MCF2L: variants seen among roughly 807,000 people sequenced by gnomAD.
MCF2L encodes MCF.2 cell line derived transforming sequence like.
Under a neutral mutation model 153.4 loss-of-function variants are expected in MCF2L, and 97 were observed. The ratio of observed to expected loss-of-function variants is 0.63; its 90% CI spans 0.54 to 0.75. MCF2L has a LOEUF of 0.75. MCF2L is among the 30% of genes least tolerant of loss of function. MCF2L has a pLI of 0.00. For missense variants in MCF2L, 1,347 were observed against 1,495.2 expected (o/e 0.90, Z 1.64); for synonymous variants, 659 against 632.2 (o/e 1.04, Z -0.64).
rs1236547475 is a variant in MCF2L at position 113,098,007 on chromosome 13, CATATT to C, written c.*1149_*1153del. On this transcript the variant is annotated 3_prime_UTR_variant, in exon 30 of 30. Transcript: ENST00000535094. ...TTACCAACTTCTTGTGTTTCAGAAA[CATATT>C]CTGTTCAAAACTTTTGAAGCCCTTT... is the stretch of plus-strand genomic sequence containing the variant. The C allele has an allele frequency of 6.6e-6, 1 of 152,270 alleles. No homozygotes were observed. The highest frequency in any genetic ancestry group is 1.5e-5 in the Non-Finnish European group (1 of 68,038). The allele number at this position is 152,270 out of a possible 1,614,324, so 9.4% of individuals were successfully genotyped here.
At chr13:113,083,882 G>C in intron 17 of MCF2L, 116 bp from the exon 18 acceptor site, 1 of 788,264 alleles carries the variant, frequency 1.3e-6, no homozygotes, top group South Asian at 1.5e-5. Flanking sequence ...GTCATGCGGG[G>C]CAGATTGCCC....
intron 13 of MCF2L, 127 bp from the exon 14 acceptor site, chr13:113,078,235 CA>C (rs2033712660): frequency 1.4e-6 from 1 of 739,848 alleles, no homozygotes; most frequent in African/African-American, 1.7e-5. Flanking sequence ...AAGTCCTGCC[CA>C]CGCCACCACC....
rs749848889 is a variant in MCF2L, at chr13:113,094,600, G to T, written c.3040G>T (p.Ala1014Ser). 2 of 1,612,298 alleles carry T rather than the reference G, an allele frequency of 1.2e-6. No homozygotes were observed. The highest frequency in any genetic ancestry group is 1.1e-5 in the South Asian group (1 of 90,990). ...SAEEQINSSD[A>S]EEDGGLGPKK... is the part of the protein sequence containing the mutation. Reference sequence around the variant, plus strand: ...AGAGGAGCAGATTAACTCGTCCGACGCAGAGGAGGACGGCGGGTTGGGCCC... The same window carrying T: ...AGAGGAGCAGATTAACTCGTCCGACTCAGAGGAGGACGGCGGGTTGGGCCC... The change falls in exon 27 of 30, where the codon GCA becomes TCA. Residue 1014 changes from alanine to serine, a missense_variant. This residue lies in a region of MCF2L where 383 missense variants were observed against 335.4 expected (regional missense o/e 1.14). Coordinates refer to ENST00000535094, the MANE Select transcript of MCF2L (RefSeq NM_001112732.3).
chr13:113,093,098 C>T (rs1041422641), intron 26 of MCF2L, among the ~76,000 whole-genome samples: 10 of 152,216 alleles, frequency 6.6e-5, no homozygotes, highest in East Asian at 1.9e-4. Context: ...TGCCTCAGAG[C>T]GACTGGGGGC....
chr13:112,985,841 G>C (rs2082615716), intron 1 of MCF2L, among the ~76,000 whole-genome samples: 1 of 152,182 alleles, frequency 6.6e-6, no homozygotes, highest in Non-Finnish European at 1.5e-5. Flanking sequence ...GCAGGTGCAG[G>C]ACAGAGACAA....
chr13:113,095,088 T>G (rs2035538830), intron 27 of MCF2L: 1 of 1,360,048 alleles, frequency 7.4e-7, no homozygotes, highest in Non-Finnish European at 9.8e-7. Flanking sequence ...TAACTATACA[T>G]ACAATTCTCA....
chr13:113,018,516 G>A (rs1400218318), intron 2 of MCF2L, among the ~76,000 whole-genome samples: 4 of 152,190 alleles, frequency 2.6e-5, no homozygotes, highest in African/African-American at 9.7e-5. Context: ...TCTTACTGAA[G>A]GCTGAGGGTT....
chr13:112,914,842 T>G lies in MCF2L; in HGVS notation c.169+12471T>G, dbSNP rs2081274165. On this transcript the variant is annotated intron_variant, in intron 2 of 29. Transcript: ENST00000375608. ...CTGTAGTGATGTGAGTTGAAAGTAT[T>G]TTTTCAAATCGTCATTGTCTTGACT... is the stretch of plus-strand genomic sequence containing the variant. 2.6e-5 allele frequency among the ~76,000 whole-genome samples: 4 copies of G among 152,324 alleles called. No individual in the cohort carries two copies. In the South Asian group the frequency reaches 8.3e-4, roughly 32 times the overall value.
In MCF2L at chr13:112,930,675, G is replaced by A. The variant is rs578099998; in HGVS notation, c.169+28304G>A. Among the ~76,000 whole-genome samples, 38 of 152,340 alleles carry A rather than the reference G, an allele frequency of 2.5e-4. 1 individual carries two copies. Among genetic ancestry groups the A allele is most frequent in the African/African-American group, 7.0e-4 (29 of 41,574 alleles). On this transcript the variant is annotated intron_variant, in intron 2 of 29. Coordinates refer to the MCF2L transcript ENST00000375608. ...CAAATTTAAAAATTATTTAGGACAT[G>A]CCTATAATCCCAGCACTGTGGGAGG...
chr13:112,987,848 C>T (rs1414985208), intron 1 of MCF2L, among the ~76,000 whole-genome samples: 2 of 152,242 alleles, frequency 1.3e-5, no homozygotes, highest in South Asian at 2.1e-4. Context: ...TCCCCCTCGT[C>T]ACAGCGGACC....
Position 113,087,217 on chromosome 13 carries a change from C to T in MCF2L, c.2374-18C>T, listed in dbSNP as rs2034719686. 1 of 1,606,284 alleles carries T rather than the reference C, an allele frequency of 6.2e-7. No individual in the cohort carries two copies. Among genetic ancestry groups the T allele is most frequent in the African/African-American group, 1.3e-5 (1 of 74,800 alleles). On this transcript the variant is annotated intron_variant, in intron 21 of 29. Transcript: ENST00000535094. ...GGCCCATCCCGTCCTGAACACAGCCCTGCTGTCGCACATTTAGGGGAATCT... is the reference window on the plus strand; with the variant it reads ...GGCCCATCCCGTCCTGAACACAGCCTTGCTGTCGCACATTTAGGGGAATCT...
chr13:112,994,977 C>A (rs910603080), intron 1 of MCF2L, among the ~76,000 whole-genome samples: 1 of 152,250 alleles, frequency 6.6e-6, no homozygotes, highest in Non-Finnish European at 1.5e-5. Flanking sequence ...GGAGACTTCC[C>A]CAGGTTTGGC....
intron 2 of MCF2L, among the ~76,000 whole-genome samples, chr13:113,023,343 C>T (rs1225693285): frequency 2.0e-5 from 3 of 152,226 alleles, no homozygotes; most frequent in Non-Finnish European, 4.4e-5. Context: ...GGCCACGGAG[C>T]CCTGTACTGA....
At chr13:112,940,218 T>G (rs1313892644) in intron 2 of MCF2L, among the ~76,000 whole-genome samples, 2 of 152,254 alleles carry the variant, frequency 1.3e-5, no homozygotes, top group Non-Finnish European at 2.9e-5. Flanking sequence ...ATCTTGATAC[T>G]TTTTCATGTA....
rs929157257 is a variant in MCF2L, at chr13:112,941,288, C to A, written c.169+38917C>A. 7.3e-5 allele frequency among the ~76,000 whole-genome samples: 11 copies of A among 150,492 alleles called. No homozygotes were observed. In the East Asian group the frequency reaches 2.1e-3, roughly 29 times the overall value. On this transcript the variant is annotated intron_variant, in intron 2 of 29. Transcript: ENST00000375608. The surrounding 1 kb of genome is among the most constrained non-coding windows in gnomAD (Gnocchi z 4.9). ...GGTCTGTGTGGTGTGTGTGGTGGCA[C>A]TCTGGAAGCCCATAAGCCATATATA...
chr13:112,969,455 A>T lies in MCF2L; in HGVS notation c.76A>T (p.Thr26Ser). 1 of 1,550,306 alleles carries T rather than the reference A, an allele frequency of 6.5e-7. No homozygotes were observed. The highest frequency in any genetic ancestry group is 1.2e-5 in the South Asian group (1 of 84,058). Residue 26 changes from threonine (T) to serine (S), a missense_variant, in exon 1 of 30, where the codon ACG becomes TCG. Coordinates refer to ENST00000535094, the MANE Select transcript of MCF2L (RefSeq NM_001112732.3). This position sits in a 1 kb window ranked among gnomAD's most constrained non-coding sequence, Gnocchi z 4.8. ...VQRLNAVSKH[T>S]DEIMHQDIVP... ...GAGATTAAATGCGGTTTCCAAGCAC[A>T]CGGGTAGGAGGAGCTGCTGGCCGTC...
chr13:113,033,683 C>T (rs895697387), intron 3 of MCF2L, among the ~76,000 whole-genome samples: 2 of 152,120 alleles, frequency 1.3e-5, no homozygotes, highest in Admixed American at 6.5e-5. Flanking sequence ...CCCTTGTCTG[C>T]CATCTCTGGC....
At chr13:112,981,986 G>A (rs1046908601) in intron 1 of MCF2L, among the ~76,000 whole-genome samples, 7 of 152,200 alleles carry the variant, frequency 4.6e-5, no homozygotes, top group African/African-American at 1.2e-4. Flanking sequence ...GGCAGGCCCC[G>A]GTCAGGGCTG....
intron 21 of MCF2L, 111 bp from the exon 22 acceptor site, chr13:113,087,124 G>C: frequency 1.1e-6 from 1 of 910,752 alleles, no homozygotes; most frequent in Non-Finnish European, 1.6e-6. Context: ...CCCTGCAGCT[G>C]GAATCCCACC....
Sources: gnomAD v4.1 joint callset for allele counts (sites outside exome capture counted in the v4.1 genomes callset) on GRCh38, gnomAD v4.1.1 for gene constraint, gnomAD v4.1.1 regional missense constraint, Gnocchi (gnomAD v3.1) non-coding constraint, MANE v1.5 for transcripts, NCBI Gene and HGNC (gene_info 2026-07-23, HGNC 2026-07-21) for gene names.